Variants in CTNNA3 observed in about 807,000 individuals in gnomAD.
CTNNA3 encodes the protein catenin alpha-3.
A neutral mutation model predicts 95.7 loss-of-function variants in CTNNA3; 76 were observed. The observed-to-expected ratio is 0.79, with a 90% CI of 0.66 to 0.96. The LOEUF is 0.96. CTNNA3 is among the 40% of genes least tolerant of loss of function. The probability of loss-of-function intolerance (pLI) is 0.00; values close to 1 mark genes in which losing one functional copy is unlikely to be tolerated. For missense variants in CTNNA3, 1,191 were observed against 1,089.8 expected, an observed-to-expected ratio of 1.09 and a Z score of -1.31; for synonymous variants, 431 against 374.4, an observed-to-expected ratio of 1.15 and a Z score of -1.74.
intron 13 of CTNNA3, among the ~76,000 whole-genome samples, chr10:66,181,253 T>A (rs1350440911): frequency 8.5e-5 from 13 of 152,212 alleles, no homozygotes; most frequent in Admixed American, 7.9e-4. Context: ...TTCAATCACA[T>A]TTATATTTTC....
In CTNNA3 at chr10:66,136,383, A is replaced by G. The variant is rs537931659; in HGVS notation, c.1885-33134T>C. Among the ~76,000 whole-genome samples, 6 of 152,312 alleles carry G rather than the reference A, an allele frequency of 3.9e-5. No individual in the cohort carries two copies. The South Asian group carries it at 1.2e-3, about 32-fold the overall frequency. On this transcript the variant is annotated intron_variant, in intron 13 of 17. Transcript: ENST00000433211. ...TTGGTTAATATGTTTGTTTACCTTA[A>G]TGAGTAAGACCAACAAAAAACAATA...
At chr10:67,312,697 C>T (rs1474555925) in intron 5 of CTNNA3, among the ~76,000 whole-genome samples, 1 of 152,036 alleles carries the variant, frequency 6.6e-6, no homozygotes, top group Non-Finnish European at 1.5e-5. Flanking sequence ...TTAGCATGTC[C>T]CTGGACCGTA....
chr10:67,598,994 C>G (rs1406163763), intron 3 of CTNNA3, among the ~76,000 whole-genome samples: 1 of 152,118 alleles, frequency 6.6e-6, no homozygotes, highest in Non-Finnish European at 1.5e-5. Context: ...TCAATTGCTG[C>G]CCATTTCATT....
chr10:67,105,207 G>C (rs1171062429), intron 7 of CTNNA3, among the ~76,000 whole-genome samples: 1 of 139,866 alleles, frequency 7.1e-6, no homozygotes, highest in African/African-American at 2.7e-5. Flanking sequence ...AGAGAAATGT[G>C]GTATTTGTGA....
At chr10:67,437,416 A>G (rs1180820508) in intron 5 of CTNNA3, among the ~76,000 whole-genome samples, 2 of 152,186 alleles carry the variant, frequency 1.3e-5, no homozygotes, top group East Asian at 3.8e-4. Flanking sequence ...ACAAATCACC[A>G]CTAAAGAACT....
At chr10:67,717,198 T>C (rs918230064) in intron 1 of CTNNA3, among the ~76,000 whole-genome samples, 1 of 152,228 alleles carries the variant, frequency 6.6e-6, no homozygotes, top group Non-Finnish European at 1.5e-5. Flanking sequence ...TTTAAGTTCC[T>C]TGTAGATTCT....
chr10:67,537,388 A>C (rs1840519702), intron 4 of CTNNA3, among the ~76,000 whole-genome samples: 1 of 152,338 alleles, frequency 6.6e-6, no homozygotes, highest in African/African-American at 2.4e-5. Flanking sequence ...GGCTGTTATA[A>C]GAATTGAATT....
At chr10:67,086,803 T>A (rs1307292903) in intron 7 of CTNNA3, among the ~76,000 whole-genome samples, 1 of 152,018 alleles carries the variant, frequency 6.6e-6, no homozygotes, top group African/African-American at 2.4e-5. Flanking sequence ...AACACTAGTA[T>A]CTGTTATGTT....
chr10:67,761,077 C>G (rs1240214504), intron 1 of CTNNA3, among the ~76,000 whole-genome samples: 1 of 152,182 alleles, frequency 6.6e-6, no homozygotes, highest in Admixed American at 6.5e-5. Flanking sequence ...TGCTCCTAGA[C>G]TACAAACCTG....
chr10:66,597,656 C>A (rs2132248617), intron 10 of CTNNA3, among the ~76,000 whole-genome samples: 1 of 150,160 alleles, frequency 6.7e-6, no homozygotes, highest in African/African-American at 2.4e-5. Context: ...CAAAGGAACC[C>A]TCATGAGATT....
intron 5 of CTNNA3, among the ~76,000 whole-genome samples, chr10:67,247,611 T>C (rs1347536118): frequency 2.0e-5 from 3 of 152,098 alleles, no homozygotes; most frequent in Admixed American, 1.3e-4. Context: ...GTAATTTCTA[T>C]CAAAATTCCA....
intron 15 of CTNNA3, among the ~76,000 whole-genome samples, chr10:66,014,537 T>A (rs1291179256): frequency 6.6e-6 from 1 of 152,196 alleles, no homozygotes; most frequent in African/African-American, 2.4e-5. Context: ...TATGAGATAG[T>A]CTGCCTTTTA....
intron 7 of CTNNA3, among the ~76,000 whole-genome samples, chr10:67,020,923 A>T (rs758952211): frequency 6.6e-5 from 10 of 152,172 alleles, no homozygotes; most frequent in Non-Finnish European, 1.3e-4. Context: ...TGTGGCTAAC[A>T]CTTACACTAC....
At chr10:66,018,196 A>ATG (rs72152961) in intron 15 of CTNNA3, among the ~76,000 whole-genome samples, 1,904 of 151,566 alleles carry the variant, frequency 0.013, 34 homozygotes, top group African/African-American at 0.044. Context: ...ATACACACAC[A>ATG]CACACACACA....
At chr10:67,036,746 T>A (rs1854088050) in intron 7 of CTNNA3, among the ~76,000 whole-genome samples, 2 of 152,196 alleles carry the variant, frequency 1.3e-5, no homozygotes, top group Admixed American at 1.3e-4. Flanking sequence ...ATAAATATTA[T>A]CTTTTTTCAA....
intron 13 of CTNNA3, among the ~76,000 whole-genome samples, chr10:66,114,047 A>T (rs566755176): frequency 3.9e-5 from 6 of 152,262 alleles, no homozygotes; most frequent in Admixed American, 2.0e-4. Context: ...ACACACCCTG[A>T]CCTTCAACTC....
At chr10:67,085,243 C>T (rs1857237722) in intron 7 of CTNNA3, among the ~76,000 whole-genome samples, 2 of 151,700 alleles carry the variant, frequency 1.3e-5, no homozygotes, top group South Asian at 2.1e-4. Context: ...AAATTGTCTA[C>T]ATATATATGT....
At chr10:66,987,541 G>T (rs1850801163) in intron 7 of CTNNA3, among the ~76,000 whole-genome samples, 1 of 152,070 alleles carries the variant, frequency 6.6e-6, no homozygotes, top group African/African-American at 2.4e-5. Flanking sequence ...AAAAAGAGAG[G>T]CTCATCCAGT....
chr10:67,162,267 A>G (rs992821539), intron 7 of CTNNA3, among the ~76,000 whole-genome samples: 1 of 152,040 alleles, frequency 6.6e-6, no homozygotes, highest in Non-Finnish European at 1.5e-5. Flanking sequence ...TTTTCAACAA[A>G]TTCTCAAGAC....
Sources: allele counts gnomAD v4.1 joint callset (sites outside exome capture counted in the v4.1 genomes callset), GRCh38; gene constraint gnomAD v4.1.1; transcripts MANE v1.5; gene names NCBI Gene and HGNC (gene_info 2026-07-23, HGNC 2026-07-21).